Variants in OPN4 observed in about 807,000 individuals in gnomAD.
The protein encoded by OPN4 is opsin 4.
A neutral mutation model predicts 49.5 loss-of-function variants in OPN4; 43 were observed. The observed-to-expected ratio is 0.87, with a 90% CI of 0.68 to 1.12. The LOEUF is 1.12. Among genes scored for constraint, OPN4 ranks in the 50% most tolerant of loss-of-function variants. The pLI is 0.00. For synonymous variants in OPN4, 263 were observed against 258.0 expected (o/e 1.02, Z -0.19); for missense variants, 657 against 643.9 (o/e 1.02, Z -0.22).
chr10:86,656,283 C>G lies in OPN4; in HGVS notation c.273C>G (p.Val91=). The G allele has an allele frequency of 6.2e-7, 1 of 1,608,100 alleles. No individual in the cohort carries two copies. Among genetic ancestry groups the G allele is most frequent in the Non-Finnish European group, 8.5e-7 (1 of 1,176,330 alleles). Residue 91 remains valine (V), a synonymous_variant, in exon 2 of 10, where the codon GTC becomes GTG. Transcript: ENST00000241891. Reference sequence around the variant, plus strand: ...CGGGGATGCTGGGCAACCTGACGGTCATCTATACCTTCTGCAGGTGCCTGG... The same window carrying G: ...CGGGGATGCTGGGCAACCTGACGGTGATCTATACCTTCTGCAGGTGCCTGG... The part of the protein sequence containing the change: ...GLTGMLGNLT[V]IYTFCRSRSL...
At chr10:86,660,516 A>T (rs922116381) in intron 6 of OPN4, among the ~76,000 whole-genome samples, 1 of 152,162 alleles carries the variant, frequency 6.6e-6, no homozygotes, top group African/African-American at 2.4e-5. Context: ...TTGAGAAGTG[A>T]GGGCTATTAA....
intron 3 of OPN4, 35 bp from the exon 4 acceptor site, chr10:86,658,449 C>T (rs770066789): frequency 5.0e-6 from 8 of 1,607,748 alleles, no homozygotes; most frequent in South Asian, 1.1e-5. Flanking sequence ...CCAGACCCTC[C>T]TCCCCAGGAC....
In OPN4 at chr10:86,662,311, A is replaced by G. The variant is rs749934898; in HGVS notation, c.1133A>G (p.His378Arg). Reference sequence around the variant, plus strand: ...GTGCTGCTGGGTGTATCACGCCGGCACAGTCGCCCCTACCCCAGCTACCGC... The same window carrying G: ...GTGCTGCTGGGTGTATCACGCCGGCGCAGTCGCCCCTACCCCAGCTACCGC... ...LGVLLGVSRR[H>R]SRPYPSYRST... Residue 378 changes from histidine to arginine, a missense_variant, in exon 8 of 10, where the codon CAC becomes CGC. His to Arg is a conservative substitution (Grantham distance 29, BLOSUM62 0). Coordinates refer to ENST00000241891, the MANE Select transcript of OPN4 (RefSeq NM_033282.4). The G allele has an allele frequency of 6.2e-7, 1 of 1,607,780 alleles. No individual in the cohort carries two copies. Among genetic ancestry groups the G allele is most frequent in the Non-Finnish European group, 8.5e-7 (1 of 1,178,538 alleles).
intron 6 of OPN4, among the ~76,000 whole-genome samples, 162 bp downstream of exon 6, chr10:86,660,221 G>T (rs145034985): frequency 6.6e-6 from 1 of 152,228 alleles, no homozygotes; most frequent in Non-Finnish European, 1.5e-5. Flanking sequence ...GCCCAGCCCC[G>T]GGGTGGGTGG....
At chr10:86,659,784 C>T in intron 5 of OPN4, 111 bp from the exon 6 acceptor site, 1 of 1,171,140 alleles carries the variant, frequency 8.5e-7, no homozygotes, top group South Asian at 1.5e-5. Flanking sequence ...GAATGACACT[C>T]TCACGAGTGC....
Position 86,654,821 on chromosome 10 carries a change from C to CA in OPN4, c.40dup (p.Thr14AsnfsTer51). 1 of 1,613,148 alleles carries CA rather than the reference C, an allele frequency of 6.2e-7. No individual in the cohort carries two copies. Among genetic ancestry groups the CA allele is most frequent in the South Asian group, 1.1e-5 (1 of 91,062 alleles). ...TCGGGGCCAAGAGTCCCGCCCAGCC[C>CA]AACCCAAGAGCCCAGCTGCATGGCC... On this transcript the variant is annotated frameshift_variant, in exon 1 of 10. Transcript: ENST00000241891. LOFTEE classifies it high-confidence loss of function.
At chr10:86,659,859 G>C (rs563448167) in intron 5 of OPN4, 36 bp from the exon 6 acceptor site, 1 of 1,607,432 alleles carries the variant, frequency 6.2e-7, no homozygotes, top group Non-Finnish European at 8.5e-7. Flanking sequence ...ACTGCCACCC[G>C]ACTAGGGTCA....
rs147596527 is a variant in OPN4 at position 86,662,307 on chromosome 10, C to A, written c.1129C>A (p.Arg377=). 1.1e-5 allele frequency: 18 copies of A among 1,608,020 alleles called. No individual in the cohort carries two copies. Among genetic ancestry groups the A allele is most frequent in the Admixed American group, 5.0e-5 (3 of 59,478 alleles). ...CLGVLLGVSR[R]HSRPYPSYRS... Reference sequence around the variant, plus strand: ...GGGGGTGCTGCTGGGTGTATCACGCCGGCACAGTCGCCCCTACCCCAGCTA... The same window carrying A: ...GGGGGTGCTGCTGGGTGTATCACGCAGGCACAGTCGCCCCTACCCCAGCTA... The change falls in exon 8 of 10, where the codon CGG becomes AGG. Residue 377 remains arginine (R), a synonymous_variant. Coordinates refer to ENST00000241891, the MANE Select transcript of OPN4 (RefSeq NM_033282.4).
intron 3 of OPN4, 25 bp from the exon 4 acceptor site, chr10:86,658,459 C>G (rs759901410): frequency 6.2e-7 from 1 of 1,612,106 alleles, no homozygotes; most frequent in Non-Finnish European, 8.5e-7. Flanking sequence ...CTCCCCAGGA[C>G]TCAGAGCAGG....
rs748631767 is a variant in OPN4, at chr10:86,656,217, C to T, written c.207C>T (p.Ala69=). ...PLPTVDVPDH[A]HYTLGTVILL... ...CCACGGTTGATGTTCCAGACCATGC[C>T]CACTATACCCTGGGCACAGTGATCT... is the stretch of plus-strand genomic sequence containing the variant. The change falls in exon 2 of 10, where the codon GCC becomes GCT. Residue 69 remains alanine, a synonymous_variant. Transcript: ENST00000241891. The T allele has an allele frequency of 5.3e-5, 86 of 1,614,046 alleles. No individual in the cohort carries two copies. The highest frequency in any genetic ancestry group is 4.9e-4 in the Middle Eastern group (3 of 6,080).
intron 9 of OPN4, among the ~76,000 whole-genome samples, chr10:86,664,355 A>T (rs541190438): frequency 6.6e-6 from 1 of 152,276 alleles, no homozygotes; most frequent in Admixed American, 6.5e-5. Flanking sequence ...TAAGCTGTGG[A>T]TGTGCTCACC....
intron 3 of OPN4, 60 bp downstream of exon 3, chr10:86,658,225 C>T (rs1564620056): frequency 5.0e-6 from 8 of 1,593,044 alleles, no homozygotes; most frequent in Non-Finnish European, 6.0e-6. Context: ...TGGGGATGCC[C>T]TCAATGGAGG....
rs968474349 is a variant in OPN4 at position 86,657,427 on chromosome 10, C to T, written c.291-605C>T. Among the ~76,000 whole-genome samples the T allele has an allele frequency of 3.3e-5, 5 of 152,290 alleles. No individual in the cohort carries two copies. The South Asian group carries it at 1.0e-3, about 32-fold the overall frequency. On this transcript the variant is annotated intron_variant, in intron 2 of 9. Transcript: ENST00000241891. Reference sequence around the variant, plus strand: ...TGGCCCGGCCGTGGTGCACAGCCATCAGCTCCTCTGCCCTTGGCCATCCCC... The same window carrying T: ...TGGCCCGGCCGTGGTGCACAGCCATTAGCTCCTCTGCCCTTGGCCATCCCC...
At chr10:86,661,219 C>G (rs1437723290) in intron 6 of OPN4, 62 bp from the exon 7 acceptor site, 8 of 1,371,976 alleles carry the variant, frequency 5.8e-6, no homozygotes, top group Non-Finnish European at 8.3e-6. Flanking sequence ...AGGGCCTGGC[C>G]CAGAAGAGAA....
chr10:86,657,079 G>A, intron 2 of OPN4: 1 of 685,720 alleles, frequency 1.5e-6, no homozygotes. Context: ...ACAGGCAGGT[G>A]GAGAAGGGAA....
In OPN4 at chr10:86,665,794, C is replaced by A; in HGVS notation, c.*43C>A. The A allele has an allele frequency of 6.6e-7, 1 of 1,504,256 alleles. No homozygotes were observed. The highest frequency in any genetic ancestry group is 2.3e-5 in the East Asian group (1 of 44,376). The allele number at this position is 1,504,256 out of a possible 1,614,324, so 93.2% of individuals were successfully genotyped here. A position where few individuals can be genotyped will look rare whatever the true frequency, so the allele number is the denominator to read the frequency against. ...CCTTTCTTCTGAGACACATCCAGCCCCCCCACGTCTCCCTCATATACACAG... is the reference window on the plus strand; with the variant it reads ...CCTTTCTTCTGAGACACATCCAGCCACCCCACGTCTCCCTCATATACACAG... On this transcript the variant is annotated 3_prime_UTR_variant, in exon 10 of 10. Transcript: ENST00000241891.
In OPN4 at chr10:86,656,012, T is replaced by C. The variant is rs113349670; in HGVS notation, c.145-143T>C. The C allele has an allele frequency of 8.0e-5, 82 of 1,020,446 alleles. 1 individual carries two copies. Among genetic ancestry groups the C allele is most frequent in the African/African-American group, 7.6e-4 (48 of 62,766 alleles). 63.2% of individuals were successfully genotyped at this position (1,020,446 alleles called of 1,614,324 possible). ...CTTCCCTTCTGCTTTTGGCCACTTG[T>C]GAGCTGTGTGTGCAACTGGCTTTGC... On this transcript the variant is annotated intron_variant, in intron 1 of 9. Transcript: ENST00000241891.
chr10:86,664,313 G>A (rs942458835), intron 9 of OPN4, among the ~76,000 whole-genome samples: 8 of 152,174 alleles, frequency 5.3e-5, no homozygotes, highest in African/African-American at 1.2e-4. Context: ...GTGTGACTGC[G>A]AGGTTGGACA....
chr10:86,656,054 T>A (rs1843853120), intron 1 of OPN4, 101 bp from the exon 2 acceptor site: 3 of 1,511,270 alleles, frequency 2.0e-6, no homozygotes, highest in South Asian at 2.4e-5. Context: ...GAGCCTCAGT[T>A]TTCCCACCTG....
Sources: gnomAD v4.1 joint callset for allele counts (sites outside exome capture counted in the v4.1 genomes callset) on GRCh38, gnomAD v4.1.1 for gene constraint, MANE v1.5 for transcripts, NCBI Gene and HGNC (gene_info 2026-07-23, HGNC 2026-07-21) for gene names.